Variants in ZMAT4 observed in about 807,000 individuals in gnomAD.
ZMAT4 encodes zinc finger matrin-type protein 4.
ZMAT4 carries 17 observed loss-of-function variants against 28.7 expected under a neutral mutation model. That is an observed-to-expected ratio of 0.59 (90% CI 0.41 to 0.89). The LOEUF is 0.89. Ranked by LOEUF, ZMAT4 falls within the 40% of genes least tolerant of loss-of-function variation. ZMAT4 has a pLI of 0.00. For missense variants in ZMAT4, 240 were observed against 283.8 expected, an observed-to-expected ratio of 0.85 and a Z score of 1.11; for synonymous variants, 117 against 109.2, an observed-to-expected ratio of 1.07 and a Z score of -0.44.
chr8:40,836,372 T>G (rs1334998749), intron 1 of ZMAT4, among the ~76,000 whole-genome samples: 1 of 152,152 alleles, frequency 6.6e-6, no homozygotes, highest in Non-Finnish European at 1.5e-5. Context: ...CATCATCTCA[T>G]CAAGCTGAAC....
At chr8:40,558,288 G>T (rs1803613635) in intron 6 of ZMAT4, among the ~76,000 whole-genome samples, 2 of 152,120 alleles carry the variant, frequency 1.3e-5, no homozygotes, top group African/African-American at 4.8e-5. Flanking sequence ...AGGGGACTAT[G>T]ATCTGGATGA....
intron 1 of ZMAT4, among the ~76,000 whole-genome samples, chr8:40,851,292 C>T (rs1443993387): frequency 1.3e-5 from 2 of 152,140 alleles, no homozygotes; most frequent in African/African-American, 2.4e-5. Context: ...TGCACCATTG[C>T]TCTCCAGCCT....
rs535232798 is a variant in ZMAT4, at chr8:40,866,740, G to T, written c.-5+30943C>A. Among the ~76,000 whole-genome samples, 8 of 152,280 alleles carry T rather than the reference G, an allele frequency of 5.3e-5. No individual in the cohort carries two copies. In the East Asian group the frequency reaches 1.4e-3, roughly 26 times the overall value. ...TGTGTAAATAGCTGGCAAGCACCCG[G>T]GGAGTCCTCGAGTAAGAAATTCAGT... is the stretch of plus-strand genomic sequence containing the variant. On this transcript the variant is annotated intron_variant, in intron 1 of 6. Coordinates refer to ENST00000297737, the MANE Select transcript of ZMAT4 (RefSeq NM_024645.3).
intron 6 of ZMAT4, among the ~76,000 whole-genome samples, chr8:40,543,294 T>C (rs1803100823): frequency 6.6e-6 from 1 of 152,144 alleles, no homozygotes; most frequent in Non-Finnish European, 1.5e-5. Flanking sequence ...TTGCGGAGGC[T>C]CTGGGAGACT....
intron 3 of ZMAT4, among the ~76,000 whole-genome samples, chr8:40,748,085 C>T (rs1026385150): frequency 2.6e-5 from 4 of 152,104 alleles, no homozygotes; most frequent in African/African-American, 9.7e-5. Flanking sequence ...GTCATAAACA[C>T]TCTTTTAAAG....
intron 4 of ZMAT4, among the ~76,000 whole-genome samples, chr8:40,695,463 C>T (rs546928878): frequency 3.0e-4 from 45 of 152,324 alleles, no homozygotes; most frequent in African/African-American, 1.0e-3. Context: ...GCAAGGCAGG[C>T]CCAACCTGAG....
intron 3 of ZMAT4, among the ~76,000 whole-genome samples, chr8:40,719,375 G>A (rs912856571): frequency 6.6e-6 from 1 of 152,186 alleles, no homozygotes; most frequent in East Asian, 1.9e-4. Flanking sequence ...CTTGGGGTCG[G>A]AGGTTGCAGT....
In ZMAT4 at chr8:40,853,530, C is replaced by T. The variant is rs151176931; in HGVS notation, c.-4-27850G>A. Among the ~76,000 whole-genome samples, 892 of 152,002 alleles carry T rather than the reference C, an allele frequency of 5.9e-3. 3 individuals carry two copies. The highest frequency in any genetic ancestry group is 0.02 in the Middle Eastern group (6 of 294). On this transcript the variant is annotated intron_variant, in intron 1 of 6. Transcript: ENST00000297737. ...AATATTTTGCCACTGCACTCCAGCCCGAGTGACAGTGCAAGACTCCGTCTC... is the reference window on the plus strand; with the variant it reads ...AATATTTTGCCACTGCACTCCAGCCTGAGTGACAGTGCAAGACTCCGTCTC...
chr8:40,721,679 T>TGTGA (rs1323976312), intron 3 of ZMAT4, among the ~76,000 whole-genome samples: 1 of 151,712 alleles, frequency 6.6e-6, no homozygotes, highest in East Asian at 1.9e-4. Flanking sequence ...TTCTAACTGG[T>TGTGA]GTGAGATGGT....
chr8:40,633,182 G>T (rs1391163796), intron 5 of ZMAT4, among the ~76,000 whole-genome samples: 2 of 152,168 alleles, frequency 1.3e-5, no homozygotes, highest in South Asian at 2.1e-4. Context: ...CTATAGCCAT[G>T]GGAGCTCAGC....
At chr8:40,683,392 G>A (rs1809261829) in intron 4 of ZMAT4, among the ~76,000 whole-genome samples, 1 of 152,200 alleles carries the variant, frequency 6.6e-6, no homozygotes, top group South Asian at 2.1e-4. Flanking sequence ...TATGGCCACA[G>A]TTCTCAAACT....
chr8:40,594,783 G>C (rs930018568), intron 5 of ZMAT4, among the ~76,000 whole-genome samples: 8 of 152,170 alleles, frequency 5.3e-5, no homozygotes, highest in African/African-American at 1.7e-4. Flanking sequence ...ATTCTGGCAG[G>C]CTGCCTTCTC....
intron 3 of ZMAT4, among the ~76,000 whole-genome samples, chr8:40,748,822 T>C (rs1368152786): frequency 6.6e-6 from 1 of 152,180 alleles, no homozygotes; most frequent in Non-Finnish European, 1.5e-5. Context: ...ATCAGTCTTT[T>C]TTTGTTGATT....
At chr8:40,549,688 C>T (rs751166736) in intron 6 of ZMAT4, among the ~76,000 whole-genome samples, 6 of 152,138 alleles carry the variant, frequency 3.9e-5, no homozygotes, top group Non-Finnish European at 8.8e-5. Flanking sequence ...TGTTCCAACT[C>T]ATCTCCCTGC....
intron 6 of ZMAT4, among the ~76,000 whole-genome samples, chr8:40,560,828 A>G (rs1462615141): frequency 6.6e-6 from 1 of 152,200 alleles, no homozygotes; most frequent in Non-Finnish European, 1.5e-5. Flanking sequence ...TCGCCAGCCA[A>G]TGAACTTTCA....
At chr8:40,759,707 A>G (rs2150554493) in intron 3 of ZMAT4, among the ~76,000 whole-genome samples, 1 of 152,262 alleles carries the variant, frequency 6.6e-6, no homozygotes, top group East Asian at 1.9e-4. Flanking sequence ...CGCCCCACCC[A>G]CATGACAATG....
intron 3 of ZMAT4, among the ~76,000 whole-genome samples, chr8:40,708,034 A>C (rs1810438858): frequency 1.3e-5 from 2 of 152,222 alleles, no homozygotes; most frequent in African/African-American, 4.8e-5. Context: ...GGCAAATAAA[A>C]AACTCACAGA....
intron 5 of ZMAT4, among the ~76,000 whole-genome samples, chr8:40,611,357 CTT>C (rs869135091): frequency 6.8e-6 from 1 of 146,358 alleles, no homozygotes; most frequent in Non-Finnish European, 1.5e-5. Context: ...CAGAAACTCA[CTT>C]TTTTTTTTTT....
At chr8:40,866,436 C>T (rs950194940) in intron 1 of ZMAT4, among the ~76,000 whole-genome samples, 1 of 152,226 alleles carries the variant, frequency 6.6e-6, no homozygotes, top group African/African-American at 2.4e-5. Context: ...ATGTGGCACA[C>T]ATAGGAATTC....
Sources: allele counts gnomAD v4.1 joint callset (sites outside exome capture counted in the v4.1 genomes callset), GRCh38; gene constraint gnomAD v4.1.1; transcripts MANE v1.5; gene names NCBI Gene and HGNC (gene_info 2026-07-23, HGNC 2026-07-21).